The following RNF130 variants were observed in gnomAD, a reference collection of about 807,000 sequenced individuals.
The protein encoded by RNF130 is ring finger protein 130.
In RNF130, 21 loss-of-function variants were observed where a neutral mutation model predicts 44.6. The ratio of observed to expected loss-of-function variants is 0.47; its 90% confidence interval spans 0.33 to 0.68. RNF130 has a LOEUF of 0.68. Ranked by LOEUF, RNF130 falls within the 30% of genes least tolerant of loss-of-function variation. The pLI, the probability that RNF130 is intolerant of heterozygous loss-of-function variation, is 0.02. For missense variants in RNF130, 479 were observed against 560.6 expected, an observed-to-expected ratio of 0.85 and a Z score of 1.47; for synonymous variants, 214 against 210.4, an observed-to-expected ratio of 1.02 and a Z score of -0.15.
At chr5:180,009,278 T>A (rs6873317) in intron 3 of RNF130, among the ~76,000 whole-genome samples, 2 of 152,072 alleles carry the variant, frequency 1.3e-5, no homozygotes, top group African/African-American at 4.8e-5. Flanking sequence ...AAATTTTTGC[T>A]TTTCAAAGAC....
At chr5:180,038,920 G>A (rs1343089626) in intron 2 of RNF130, among the ~76,000 whole-genome samples, 3 of 152,194 alleles carry the variant, frequency 2.0e-5, no homozygotes, top group East Asian at 3.8e-4. Flanking sequence ...ATGAAGATAA[G>A]TTACATTAGG....
intron 8 of RNF130, among the ~76,000 whole-genome samples, chr5:179,960,288 C>T (rs1762297729): frequency 6.6e-6 from 1 of 152,162 alleles, no homozygotes; most frequent in Admixed American, 6.6e-5. Context: ...GACTACCATC[C>T]TGTTTATATT....
At chr5:180,009,426 T>C (rs1465621235) in intron 3 of RNF130, among the ~76,000 whole-genome samples, 2 of 151,996 alleles carry the variant, frequency 1.3e-5, no homozygotes, top group Non-Finnish European at 2.9e-5. Flanking sequence ...AGGTAGAAAA[T>C]GGGCAAAAGA....
chr5:180,047,517 G>A (rs1764592977), intron 1 of RNF130, among the ~76,000 whole-genome samples: 1 of 152,180 alleles, frequency 6.6e-6, no homozygotes, highest in South Asian at 2.1e-4. Flanking sequence ...GGCCAAGGCA[G>A]GCAGATCACC....
chr5:179,945,976 T>A (rs913766471), intron 7 of RNF130, among the ~76,000 whole-genome samples: 2 of 152,210 alleles, frequency 1.3e-5, no homozygotes, highest in Non-Finnish European at 2.9e-5. Flanking sequence ...CACGGCCGCA[T>A]CTGCCCAGCT....
At chr5:180,004,672 G>C (rs942464303) in intron 3 of RNF130, among the ~76,000 whole-genome samples, 2 of 152,150 alleles carry the variant, frequency 1.3e-5, no homozygotes, top group Middle Eastern at 3.2e-3. Context: ...CAATTCTTAC[G>C]GCTTAATCTA....
chr5:180,039,234 C>CTTCTT (rs989605636), intron 2 of RNF130, among the ~76,000 whole-genome samples: 2 of 151,976 alleles, frequency 1.3e-5, no homozygotes, highest in African/African-American at 2.4e-5. Context: ...ATACACCTTA[C>CTTCTT]TTCTTTTCTT....
rs113175823 is a variant in RNF130 at position 179,947,360 on chromosome 5, C to T, written c.1150+19446G>A. On this transcript the variant is annotated intron_variant, in intron 7 of 7. Coordinates refer to the RNF130 transcript ENST00000522208. ...CCCTAGGACACGTCTCTCACCCACC[C>T]CACCTGTGTCCTAAATCAAGCCCAG... 1.9e-3 allele frequency among the ~76,000 whole-genome samples: 285 copies of T among 152,302 alleles called. 4 individuals carry two copies. The highest frequency in any genetic ancestry group is 6.2e-3 in the African/African-American group (256 of 41,558).
chr5:180,033,808 T>C (rs528071458), intron 2 of RNF130, among the ~76,000 whole-genome samples: 1 of 152,394 alleles, frequency 6.6e-6, no homozygotes, highest in South Asian at 2.1e-4. Flanking sequence ...TAATAAATTC[T>C]ATCTGATTTT....
At chr5:179,944,404 T>C (rs1355435590) in intron 7 of RNF130, among the ~76,000 whole-genome samples, 1 of 152,224 alleles carries the variant, frequency 6.6e-6, no homozygotes, top group African/African-American at 2.4e-5. Context: ...AACAATTATG[T>C]ACAGATCTAT....
chr5:179,995,879 T>C (rs1763187183), intron 3 of RNF130, among the ~76,000 whole-genome samples: 1 of 152,246 alleles, frequency 6.6e-6, no homozygotes, highest in African/African-American at 2.4e-5. Flanking sequence ...AAGTTAATGA[T>C]GTGACTATCT....
At chr5:180,066,117 C>G (rs1345321447) in intron 1 of RNF130, among the ~76,000 whole-genome samples, 2 of 152,148 alleles carry the variant, frequency 1.3e-5, no homozygotes, top group East Asian at 3.8e-4. Context: ...GTGTCCCCAC[C>G]CAAATCTCAT....
chr5:179,998,892 A>G (rs745851110), intron 3 of RNF130, among the ~76,000 whole-genome samples: 1 of 101,034 alleles, frequency 9.9e-6, no homozygotes, highest in Non-Finnish European at 2.1e-5. Flanking sequence ...TATGTTTTAT[A>G]TATCTGAGTG....
intron 2 of RNF130, among the ~76,000 whole-genome samples, chr5:180,033,812 T>C (rs1037131998): frequency 2.6e-5 from 4 of 152,272 alleles, no homozygotes; most frequent in Non-Finnish European, 5.9e-5. Context: ...AAATTCTATC[T>C]GATTTTCTAC....
chr5:179,939,787 A>C (rs999294845), intron 7 of RNF130: 2 of 418,444 alleles, frequency 4.8e-6, no homozygotes, highest in African/African-American at 2.1e-5. Flanking sequence ...TTCCCAAAAA[A>C]GTCCTCAAAT....
At chr5:180,068,053 A>G (rs1441871255) in intron 1 of RNF130, among the ~76,000 whole-genome samples, 2 of 152,242 alleles carry the variant, frequency 1.3e-5, no homozygotes, top group Non-Finnish European at 2.9e-5. Context: ...CTAAGGCTGT[A>G]ACATCCAATC....
At chr5:180,060,745 T>C (rs1450971281) in intron 1 of RNF130, among the ~76,000 whole-genome samples, 1 of 152,168 alleles carries the variant, frequency 6.6e-6, no homozygotes, top group Non-Finnish European at 1.5e-5. Context: ...AGGGGATCTA[T>C]AAAGCAAAAG....
chr5:180,052,210 C>G (rs1239226850), intron 1 of RNF130, among the ~76,000 whole-genome samples: 4 of 152,220 alleles, frequency 2.6e-5, no homozygotes, highest in Non-Finnish European at 5.9e-5. Context: ...ACATCACAAT[C>G]TAAATCTAAA....
intron 8 of RNF130, among the ~76,000 whole-genome samples, chr5:179,956,734 G>A (rs1398887775): frequency 6.6e-6 from 1 of 152,224 alleles, no homozygotes; most frequent in African/African-American, 2.4e-5. Flanking sequence ...CAGCTCCGCA[G>A]GCATGACCCA....
Sources: gnomAD v4.1 joint callset for allele counts (sites outside exome capture counted in the v4.1 genomes callset) on GRCh38, gnomAD v4.1.1 for gene constraint, MANE v1.5 for transcripts, NCBI Gene and HGNC (gene_info 2026-07-23, HGNC 2026-07-21) for gene names.